The following DENND2B variants were observed in gnomAD, a reference collection of about 807,000 sequenced individuals.
The protein encoded by DENND2B is DENN domain-containing protein 2B.
In DENND2B, 32 loss-of-function variants were observed where a neutral mutation model predicts 116.0. That is an observed-to-expected ratio of 0.28 (90% confidence interval 0.21 to 0.37). The LOEUF (loss-of-function observed/expected upper bound fraction) is 0.37. Among genes scored for constraint, DENND2B ranks in the 10% least tolerant of loss-of-function variants. The pLI is 1.00. For missense variants in DENND2B, 1,276 were observed against 1,477.7 expected (o/e 0.86, Z 2.24); for synonymous variants, 588 against 583.9 (o/e 1.01, Z -0.10).
chr11:8,799,258 C>G (rs555154004), intron 1 of DENND2B, among the ~76,000 whole-genome samples: 1 of 152,162 alleles, frequency 6.6e-6, no homozygotes, highest in African/African-American at 2.4e-5. Context: ...AAGCCAAGAG[C>G]AAACCCTGAG....
chr11:8,821,448 A>C (rs1471494077), intron 4 of DENND2B, among the ~76,000 whole-genome samples: 1 of 151,324 alleles, frequency 6.6e-6, no homozygotes, highest in Non-Finnish European at 1.5e-5. Flanking sequence ...AAAAATTAGC[A>C]CAAGCCTGTA....
chr11:8,754,029 G>GTGCGCA (rs1555169750), intron 1 of DENND2B, among the ~76,000 whole-genome samples: 10 of 138,734 alleles, frequency 7.2e-5, no homozygotes, highest in Non-Finnish European at 1.5e-4. Context: ...CCAAAAGCGC[G>GTGCGCA]CACACACACA....
intron 2 of DENND2B, among the ~76,000 whole-genome samples, chr11:8,860,987 A>G (rs988492305): frequency 2.0e-5 from 3 of 152,210 alleles, no homozygotes; most frequent in Admixed American, 2.0e-4. Context: ...AGCCACACGC[A>G]GAAGAATGAA....
chr11:8,701,849 T>A (rs2041749861), intron 14 of DENND2B, among the ~76,000 whole-genome samples: 1 of 151,956 alleles, frequency 6.6e-6, no homozygotes, highest in Admixed American at 6.6e-5. Flanking sequence ...ACCTCTAAAA[T>A]CATAAATGCC....
intron 2 of DENND2B, among the ~76,000 whole-genome samples, chr11:8,741,761 T>C: frequency 6.6e-6 from 1 of 152,178 alleles, no homozygotes; most frequent in East Asian, 1.9e-4. Flanking sequence ...AAAGGGTACA[T>C]GTAGGTGTTC....
intron 1 of DENND2B, among the ~76,000 whole-genome samples, chr11:8,782,229 G>GA (rs540458456): frequency 6.5e-4 from 99 of 151,928 alleles, no homozygotes; most frequent in African/African-American, 2.3e-3. Context: ...GACTTTGAAT[G>GA]AAAAAAAATC....
intron 3 of DENND2B, chr11:8,845,370 T>C (rs1279701126): frequency 6.6e-6 from 1 of 152,194 alleles, no homozygotes; most frequent in African/African-American, 2.4e-5. Flanking sequence ...AATTTTGCTA[T>C]AGCAATATCA....
At chr11:8,828,529 C>T (rs998941098) in intron 4 of DENND2B, among the ~76,000 whole-genome samples, 2 of 152,146 alleles carry the variant, frequency 1.3e-5, no homozygotes, top group African/African-American at 4.8e-5. Context: ...AGGGGACCCT[C>T]ATCTCTGCGT....
At chr11:8,783,195 C>T (rs1311518707) in intron 1 of DENND2B, among the ~76,000 whole-genome samples, 1 of 152,026 alleles carries the variant, frequency 6.6e-6, no homozygotes, top group Admixed American at 6.6e-5. Flanking sequence ...GCTGGGACTA[C>T]AGGCATGTAG....
At position 8,786,345 on chromosome 11, in the gene DENND2B, A is replaced by T. The variant is rs574342686; in HGVS notation, c.-26+24172T>A. ...CAAGAAAAAAATAAATAAATAAAAC[A>T]TACTTCTTGGTTTAAAAAAAGTAAA... On this transcript the variant is annotated intron_variant, in intron 1 of 19. Transcript: ENST00000313726. Among the ~76,000 whole-genome samples the T allele has an allele frequency of 5.3e-5, 8 of 152,332 alleles. No individual in the cohort carries two copies. The East Asian group carries it at 1.5e-3, about 29-fold the overall frequency.
chr11:8,819,212 T>C (rs751336172), intron 4 of DENND2B, among the ~76,000 whole-genome samples: 4 of 151,926 alleles, frequency 2.6e-5, no homozygotes, highest in Non-Finnish European at 4.4e-5. Flanking sequence ...CTGGGCAACA[T>C]GGCAAAACCC....
rs920571557 is a variant in DENND2B, at chr11:8,699,037, G to A, written c.2899-63C>T. Reference sequence around the variant, plus strand: ...TGAGTCCCGCAATGCCCTCTGCCAGGCCTCCAGACCTCCCAGGTTCCCAGG... The same window carrying A: ...TGAGTCCCGCAATGCCCTCTGCCAGACCTCCAGACCTCCCAGGTTCCCAGG... On this transcript the variant is annotated intron_variant, in intron 15 of 19. Transcript: ENST00000313726. The A allele has an allele frequency of 3.1e-6, 5 of 1,597,876 alleles. No homozygotes were observed. In the African/African-American group the frequency reaches 5.4e-5, roughly 17 times the overall value.
At chr11:8,700,290 G>C (rs2041311768) in intron 14 of DENND2B, among the ~76,000 whole-genome samples, 1 of 152,180 alleles carries the variant, frequency 6.6e-6, no homozygotes, top group Non-Finnish European at 1.5e-5. Context: ...CAGCTGTTGG[G>C]CTAGATTTCT....
chr11:8,891,214 C>T (rs1184122679), intron 1 of DENND2B, among the ~76,000 whole-genome samples: 1 of 152,184 alleles, frequency 6.6e-6, no homozygotes, highest in Non-Finnish European at 1.5e-5. Flanking sequence ...ACCACCAGGC[C>T]TGCCCTACAA....
At chr11:8,781,158 T>C (rs906662562) in intron 1 of DENND2B, among the ~76,000 whole-genome samples, 4 of 152,240 alleles carry the variant, frequency 2.6e-5, no homozygotes, top group East Asian at 1.9e-4. Flanking sequence ...GGAGCATTGA[T>C]GGATTCTCAG....
intron 3 of DENND2B, among the ~76,000 whole-genome samples, chr11:8,855,355 T>C (rs1015997705): frequency 6.6e-6 from 1 of 151,444 alleles, no homozygotes; most frequent in Admixed American, 6.6e-5. Flanking sequence ...TGGGCGCCCA[T>C]CTTATGTTCC....
intron 1 of DENND2B, chr11:8,776,148 A>ACG (rs762259209): frequency 0.033 from 6,316 of 189,134 alleles, 54 homozygotes; most frequent in Non-Finnish European, 0.042. Context: ...ACGTGCGCGC[A>ACG]CGCGCGCGCG....
At chr11:8,841,542 C>A (rs553908917) in intron 3 of DENND2B, among the ~76,000 whole-genome samples, 2 of 152,268 alleles carry the variant, frequency 1.3e-5, no homozygotes, top group Admixed American at 6.5e-5. Context: ...CCCAGCTACT[C>A]AGGAGGCTGA....
intron 1 of DENND2B, among the ~76,000 whole-genome samples, chr11:8,751,821 A>T (rs146329912): frequency 6.8e-4 from 103 of 152,276 alleles, no homozygotes; most frequent in African/African-American, 2.4e-3. Context: ...CTATCATTCT[A>T]TACAGTCCAT....
Sources: allele counts gnomAD v4.1 joint callset (sites outside exome capture counted in the v4.1 genomes callset), GRCh38; gene constraint gnomAD v4.1.1; transcripts MANE v1.5; gene names NCBI Gene and HGNC (gene_info 2026-07-23, HGNC 2026-07-21).